Variants in FOXP1 observed in about 807,000 individuals in gnomAD.
The protein encoded by FOXP1 is forkhead box P1, also known as forkhead box protein P1.
In FOXP1, 15 loss-of-function variants were observed where a neutral mutation model predicts 98.2. That is an observed-to-expected ratio of 0.15 (90% CI 0.10 to 0.24). The LOEUF (loss-of-function observed/expected upper bound fraction) is 0.24, where lower values mean the gene tolerates loss of function less well. Among genes scored for constraint, FOXP1 ranks in the 10% least tolerant of loss-of-function variants. The pLI is 1.00. For synonymous variants in FOXP1, 371 were observed against 314.5 expected (o/e 1.18, Z -1.90); for missense variants, 633 against 848.5 (o/e 0.75, Z 3.15).
chr3:71,234,943 A>G (rs1052388227), intron 5 of FOXP1, among the ~76,000 whole-genome samples: 1 of 152,184 alleles, frequency 6.6e-6, no homozygotes, highest in Non-Finnish European at 1.5e-5. Context: ...CATGCTGGGT[A>G]CTGATCTTTG....
At chr3:71,404,533 C>A (rs2082181640) in intron 3 of FOXP1, among the ~76,000 whole-genome samples, 1 of 151,546 alleles carries the variant, frequency 6.6e-6, no homozygotes, top group South Asian at 2.1e-4. Context: ...TTAGTGACAC[C>A]TGACCAAGTT....
At chr3:71,497,158 A>G (rs1203536604) in intron 2 of FOXP1, among the ~76,000 whole-genome samples, 1 of 152,082 alleles carries the variant, frequency 6.6e-6, no homozygotes, top group East Asian at 1.9e-4. Flanking sequence ...GTACAGAGGC[A>G]AAAACAAAAA....
At chr3:71,113,789 G>A (rs1368642499) in intron 6 of FOXP1, among the ~76,000 whole-genome samples, 1 of 115,972 alleles carries the variant, frequency 8.6e-6, no homozygotes, top group Non-Finnish European at 1.9e-5. Flanking sequence ...AAAAAACAAT[G>A]TCATCAATAA....
rs768963667 is a variant in FOXP1 at position 71,198,250 on chromosome 3, C to T, written c.132G>A (p.Val44=). The part of the protein sequence containing the change: ...EGRSNGETPA[V]DIGAADLAHA... ...GGGCGAGGTCAGCTGCCCCGATGTC[C>T]ACGGCCGGCGTCTCTCCGTTGGACC... Residue 44 remains valine, a synonymous_variant, in exon 6 of 21, where the codon GTG becomes GTA. Coordinates refer to ENST00000649528, the MANE Select transcript of FOXP1 (RefSeq NM_001349338.3). 11 of 1,614,034 alleles carry T rather than the reference C, an allele frequency of 6.8e-6. No homozygotes were observed. Among genetic ancestry groups the T allele is most frequent in the Non-Finnish European group, 5.9e-6 (7 of 1,180,058 alleles).
At chr3:71,516,299 C>T (rs139484309) in intron 2 of FOXP1, among the ~76,000 whole-genome samples, 5 of 151,900 alleles carry the variant, frequency 3.3e-5, no homozygotes, top group Admixed American at 2.0e-4. Flanking sequence ...TGTGTGCACA[C>T]GTGTGTGTAT....
intron 14 of FOXP1, among the ~76,000 whole-genome samples, chr3:70,979,349 C>A (rs2038369955): frequency 7.4e-6 from 1 of 134,250 alleles, no homozygotes; most frequent in Non-Finnish European, 1.5e-5. Flanking sequence ...AGCACTGTTT[C>A]AATTTATCTT....
At chr3:71,480,661 G>A (rs2090200506) in intron 3 of FOXP1, among the ~76,000 whole-genome samples, 2 of 152,308 alleles carry the variant, frequency 1.3e-5, no homozygotes, top group South Asian at 2.1e-4. Context: ...ACAGCTGAAG[G>A]AGCAAGAGAT....
intron 7 of FOXP1, among the ~76,000 whole-genome samples, chr3:71,080,308 G>C (rs2054273292): frequency 6.6e-6 from 1 of 152,132 alleles, no homozygotes; most frequent in African/African-American, 2.4e-5. Context: ...TTACATAAGA[G>C]TTTTGAAAAA....
intron 6 of FOXP1, among the ~76,000 whole-genome samples, chr3:71,174,938 A>G (rs1330617804): frequency 3.4e-5 from 5 of 146,788 alleles, no homozygotes; most frequent in African/African-American, 1.3e-4. Context: ...TTTGAGATGG[A>G]GTCTCGCTCT....
intron 3 of FOXP1, among the ~76,000 whole-genome samples, chr3:71,386,169 G>A (rs895236854): frequency 2.0e-5 from 3 of 152,044 alleles, no homozygotes; most frequent in African/African-American, 7.2e-5. Flanking sequence ...TGTAGTTGCC[G>A]CTCTTCAGAA....
At chr3:71,180,383 A>G (rs1459769850) in intron 6 of FOXP1, among the ~76,000 whole-genome samples, 1 of 152,144 alleles carries the variant, frequency 6.6e-6, no homozygotes, top group Non-Finnish European at 1.5e-5. Context: ...AAAATATAGA[A>G]AGACGGCAGC....
At chr3:71,294,599 T>G (rs2073094643) in intron 5 of FOXP1, among the ~76,000 whole-genome samples, 1 of 152,034 alleles carries the variant, frequency 6.6e-6, no homozygotes, top group African/African-American at 2.4e-5. Flanking sequence ...AATTAATATA[T>G]GTATGTATGT....
intron 3 of FOXP1, among the ~76,000 whole-genome samples, chr3:71,425,666 T>C (rs184229867): frequency 6.6e-6 from 1 of 151,832 alleles, no homozygotes; most frequent in East Asian, 1.9e-4. Flanking sequence ...CCATAATAAC[T>C]CAACTTTTGT....
At chr3:71,404,230 T>C (rs1577332068) in intron 3 of FOXP1, among the ~76,000 whole-genome samples, 2 of 142,844 alleles carry the variant, frequency 1.4e-5, no homozygotes, top group South Asian at 4.6e-4. Context: ...CAGGTTCAAG[T>C]GATTCTCCTG....
Position 70,956,273 on chromosome 3 carries a change from T to C in FOXP1, c.*2974A>G, listed in dbSNP as rs2031757956. 1 of 233,396 alleles carries C rather than the reference T, an allele frequency of 4.3e-6. No homozygotes were observed. Among genetic ancestry groups the C allele is most frequent in the Non-Finnish European group, 8.5e-6 (1 of 117,966 alleles). 14.5% of individuals were successfully genotyped at this position (233,396 alleles called of 1,614,324 possible). On this transcript the variant is annotated 3_prime_UTR_variant, in exon 21 of 21. Transcript: ENST00000649528. ...ATAAACCCCATCCTAAAGAAGCAAC[T>C]GGGATAACCCCCAGGGGATACAGAA...
intron 4 of FOXP1, among the ~76,000 whole-genome samples, chr3:71,347,886 CAAAA>C (rs11286158): frequency 6.9e-6 from 1 of 144,664 alleles, no homozygotes; most frequent in Non-Finnish European, 1.5e-5. Context: ...CTCTGTCTCA[CAAAA>C]AAAAAAAACA....
At chr3:71,280,411 C>G (rs1329076289) in intron 5 of FOXP1, among the ~76,000 whole-genome samples, 24 of 151,680 alleles carry the variant, frequency 1.6e-4, no homozygotes, top group African/African-American at 2.4e-5. Context: ...ACCTCCGCCT[C>G]CCTGGTTCAA....
chr3:71,113,587 C>T (rs1163124174), intron 6 of FOXP1, among the ~76,000 whole-genome samples: 1 of 151,916 alleles, frequency 6.6e-6, no homozygotes, highest in Non-Finnish European at 1.5e-5. Flanking sequence ...GTGGCAGATG[C>T]CTATAATCCC....
At chr3:71,149,817 T>C (rs2060486669) in intron 6 of FOXP1, among the ~76,000 whole-genome samples, 1 of 152,198 alleles carries the variant, frequency 6.6e-6, no homozygotes, top group African/African-American at 2.4e-5. Flanking sequence ...CCTCTCCCTT[T>C]TCTTATTCTT....
Sources: allele counts gnomAD v4.1 joint callset (sites outside exome capture counted in the v4.1 genomes callset), GRCh38; gene constraint gnomAD v4.1.1; transcripts MANE v1.5; gene names NCBI Gene and HGNC (gene_info 2026-07-23, HGNC 2026-07-21).